The following RBFOX1 variants were observed in gnomAD, a reference collection of about 807,000 sequenced individuals.
RBFOX1 encodes the protein RNA binding protein fox-1 homolog 1.
In RBFOX1, 8 loss-of-function variants were observed where a neutral mutation model predicts 57.7. The observed-to-expected ratio is 0.14, with a 90% CI of 0.08 to 0.25. The LOEUF (loss-of-function observed/expected upper bound fraction) is 0.25, where lower values mean the gene tolerates loss of function less well. Ranked by LOEUF, RBFOX1 falls within the 10% of genes least tolerant of loss-of-function variation. The pLI is 1.00. For missense variants in RBFOX1, 611 were observed against 548.5 expected (o/e 1.11, Z -1.14); for synonymous variants, 326 against 222.4 (o/e 1.47, Z -4.15).
chr16:5,799,419 A>G (rs991189165), intron 3 of RBFOX1, among the ~76,000 whole-genome samples: 1 of 152,152 alleles, frequency 6.6e-6, no homozygotes, highest in Non-Finnish European at 1.5e-5. Context: ...AAGTCGAACA[A>G]TATACAGATG....
chr16:5,981,084 C>T (rs531073764), intron 4 of RBFOX1, among the ~76,000 whole-genome samples: 84 of 152,328 alleles, frequency 5.5e-4, no homozygotes, highest in African/African-American at 1.9e-3. Context: ...GGGTCCTACA[C>T]CTTTGATATC....
rs148020326 is a variant in RBFOX1 at position 6,805,475 on chromosome 16, C to T, written c.-16+150825C>T. Among the ~76,000 whole-genome samples, 74 of 152,148 alleles carry T rather than the reference C, an allele frequency of 4.9e-4. 1 individual carries two copies. Among genetic ancestry groups the T allele is most frequent in the African/African-American group, 1.6e-3 (65 of 41,500 alleles). Reference sequence around the variant, plus strand: ...ACCTGGGTGGTGAAATAATCTGTACCATCCCCATAACATGAGTTTACCTAT... The same window carrying T: ...ACCTGGGTGGTGAAATAATCTGTACTATCCCCATAACATGAGTTTACCTAT... On this transcript the variant is annotated intron_variant, in intron 3 of 15. Coordinates refer to ENST00000550418, the MANE Select transcript of RBFOX1 (RefSeq NM_018723.4).
chr16:5,604,036 C>T (rs1025370051), downstream of RBFOX1, among the ~76,000 whole-genome samples: 1 of 152,142 alleles, frequency 6.6e-6, no homozygotes, highest in Non-Finnish European at 1.5e-5. Flanking sequence ...CCCTTCTATA[C>T]TCCAGGCAGA....
intron 14 of RBFOX1, among the ~76,000 whole-genome samples, chr16:7,686,565 TAC>T (rs1419200214): frequency 6.6e-6 from 1 of 152,080 alleles, no homozygotes; most frequent in Non-Finnish European, 1.5e-5. Flanking sequence ...TTTAGGAGTC[TAC>T]ACAGACAAAA....
chr16:6,369,990 G>C (rs1039026632), intron 2 of RBFOX1, among the ~76,000 whole-genome samples: 1 of 152,104 alleles, frequency 6.6e-6, no homozygotes, highest in Non-Finnish European at 1.5e-5. Context: ...TAGTTGTCAA[G>C]TCTCTTTAGT....
At chr16:5,656,862 C>T (rs1003329548) in intron 3 of RBFOX1, among the ~76,000 whole-genome samples, 5 of 152,026 alleles carry the variant, frequency 3.3e-5, no homozygotes, top group African/African-American at 9.7e-5. Flanking sequence ...TGTTCTCACT[C>T]ATAAGTAGGA....
chr16:7,000,606 T>TTTG (rs1456741894), intron 3 of RBFOX1, among the ~76,000 whole-genome samples: 4 of 134,454 alleles, frequency 3.0e-5, no homozygotes, highest in Non-Finnish European at 4.7e-5. Flanking sequence ...CTTTTTTTTT[T>TTTG]TTTTTTTTTT....
chr16:7,490,466 C>T (rs989257462), intron 4 of RBFOX1, among the ~76,000 whole-genome samples: 3 of 152,166 alleles, frequency 2.0e-5, no homozygotes, highest in African/African-American at 7.2e-5. Context: ...TTCCAGCCAG[C>T]CAGGCTGTCT....
At chr16:7,538,472 T>C (rs2082077629) in intron 5 of RBFOX1, among the ~76,000 whole-genome samples, 1 of 152,172 alleles carries the variant, frequency 6.6e-6, no homozygotes, top group African/African-American at 2.4e-5. Context: ...TATTTAATGA[T>C]AGATCATACA....
chr16:5,775,961 C>G (rs1170438457), intron 3 of RBFOX1, among the ~76,000 whole-genome samples: 3 of 152,170 alleles, frequency 2.0e-5, no homozygotes, highest in African/African-American at 7.2e-5. Context: ...CACATTTCAG[C>G]TCCCCAGGAT....
At chr16:5,785,503 C>G (rs901611173) in intron 3 of RBFOX1, among the ~76,000 whole-genome samples, 2 of 151,856 alleles carry the variant, frequency 1.3e-5, no homozygotes, top group Admixed American at 6.6e-5. Flanking sequence ...TCTTCAATTT[C>G]TTTTCTTTTT....
At chr16:5,571,568 C>G (rs892011562) in intron 2 of RBFOX1, among the ~76,000 whole-genome samples, 16 of 151,962 alleles carry the variant, frequency 1.1e-4, no homozygotes, top group African/African-American at 3.6e-4. Flanking sequence ...ATCATGAACT[C>G]ACATCTGCGC....
intron 4 of RBFOX1, among the ~76,000 whole-genome samples, chr16:7,502,945 T>A (rs1038940421): frequency 2.0e-5 from 3 of 152,056 alleles, no homozygotes; most frequent in Non-Finnish European, 4.4e-5. Context: ...GTCGCTTGAA[T>A]CTGGGACACT....
chr16:7,481,523 C>T (rs1370804767), intron 4 of RBFOX1, among the ~76,000 whole-genome samples: 2 of 152,206 alleles, frequency 1.3e-5, no homozygotes, highest in Non-Finnish European at 2.9e-5. Flanking sequence ...TTTGATCTTA[C>T]TTGCTGCTAG....
chr16:6,344,687 G>A (rs1461700975), intron 2 of RBFOX1, among the ~76,000 whole-genome samples: 14 of 139,638 alleles, frequency 1.0e-4, no homozygotes, highest in African/African-American at 3.8e-4. Context: ...GTGAGCCACC[G>A]AGCCCGGTTT....
At chr16:7,605,983 T>C (rs1212913877) in intron 9 of RBFOX1, among the ~76,000 whole-genome samples, 1 of 152,074 alleles carries the variant, frequency 6.6e-6, no homozygotes, top group Non-Finnish European at 1.5e-5. Flanking sequence ...CTACTTTGTA[T>C]TTTTAGTAGA....
intron 1 of RBFOX1, among the ~76,000 whole-genome samples, chr16:6,098,208 T>C (rs1487236662): frequency 6.6e-6 from 1 of 152,202 alleles, no homozygotes; most frequent in African/African-American, 2.4e-5. Flanking sequence ...AGGGCCTGTG[T>C]GACAGGCACT....
intron 4 of RBFOX1, among the ~76,000 whole-genome samples, chr16:7,371,177 C>T (rs1266896043): frequency 2.0e-5 from 3 of 152,160 alleles, no homozygotes; most frequent in Admixed American, 2.0e-4. Flanking sequence ...GGCCCCATCA[C>T]TTGAAGCTCA....
Position 6,705,731 on chromosome 16 carries a change from A to G in RBFOX1, c.-16+51081A>G, listed in dbSNP as rs187363373. Among the ~76,000 whole-genome samples, 126 of 152,310 alleles carry G rather than the reference A, an allele frequency of 8.3e-4. 1 individual carries two copies. The highest frequency in any genetic ancestry group is 4.4e-4 in the Non-Finnish European group (30 of 68,032). On this transcript the variant is annotated intron_variant, in intron 3 of 15. Transcript: ENST00000550418. Reference sequence around the variant, plus strand: ...GAAATAAAGAGGGATAAAATTATAAATTAGGGCCTGGCATGGTGGCTTAAG... The same window carrying G: ...GAAATAAAGAGGGATAAAATTATAAGTTAGGGCCTGGCATGGTGGCTTAAG...
Sources: allele counts gnomAD v4.1 joint callset (sites outside exome capture counted in the v4.1 genomes callset), GRCh38; gene constraint gnomAD v4.1.1; transcripts MANE v1.5; gene names NCBI Gene and HGNC (gene_info 2026-07-23, HGNC 2026-07-21).